The following ENTPD6 variants were observed in gnomAD, a reference collection of about 807,000 sequenced individuals.
The protein encoded by ENTPD6 is CD39 antigen-like 2.
In ENTPD6, 46 loss-of-function variants were observed where a neutral mutation model predicts 61.5. The observed-to-expected ratio is 0.75, with a 90% CI of 0.59 to 0.96. ENTPD6 has a LOEUF of 0.96. ENTPD6 is among the 40% of genes least tolerant of loss of function. The pLI, the probability that ENTPD6 is intolerant of heterozygous loss-of-function variation, is 0.00. For synonymous variants in ENTPD6, 252 were observed against 255.5 expected, an observed-to-expected ratio of 0.99 and a Z score of 0.13; for missense variants, 612 against 629.0, an observed-to-expected ratio of 0.97 and a Z score of 0.29.
intron 10 of ENTPD6, among the ~76,000 whole-genome samples, chr20:25,219,962 C>A (rs530876246): frequency 6.6e-6 from 1 of 152,254 alleles, no homozygotes; most frequent in Non-Finnish European, 1.5e-5. Context: ...CCAAAAAACA[C>A]CTATTATTTA....
chr20:25,218,123 G>T (rs565055666), intron 9 of ENTPD6, among the ~76,000 whole-genome samples: 3 of 151,808 alleles, frequency 2.0e-5, no homozygotes, highest in Non-Finnish European at 2.9e-5. Flanking sequence ...TACAGTATAC[G>T]CACATTCCTC....
At position 25,222,692 on chromosome 20, in the gene ENTPD6, C is replaced by T. The variant is rs796844220; in HGVS notation, c.1046-146C>T. 2.3e-5 allele frequency: 25 copies of T among 1,070,782 alleles called. No homozygotes were observed. The African/African-American group carries it at 3.7e-4, about 16-fold the overall frequency. 66.3% of individuals were successfully genotyped at this position (1,070,782 alleles called of 1,614,324 possible). A position where few individuals can be genotyped will look rare whatever the true frequency, so the allele number is the denominator to read the frequency against. On this transcript the variant is annotated intron_variant, in intron 11 of 14. Coordinates refer to ENST00000376652, the MANE Select transcript of ENTPD6 (RefSeq NM_001247.5). Reference sequence around the variant, plus strand: ...TGACCTGTGCGGGGAGCAGCCCCAACTTGGGGTGGGGTCTTACAGGCTTCT... The same window carrying T: ...TGACCTGTGCGGGGAGCAGCCCCAATTTGGGGTGGGGTCTTACAGGCTTCT...
intron 5 of ENTPD6, 93 bp downstream of exon 5, chr20:25,213,499 G>A: frequency 7.4e-7 from 1 of 1,350,596 alleles, no homozygotes; most frequent in Non-Finnish European, 1.0e-6. Flanking sequence ...CGCACCATCA[G>A]GCAGGACACA....
chr20:25,200,092 C>G (rs1364331310), intron 1 of ENTPD6, among the ~76,000 whole-genome samples: 1 of 152,228 alleles, frequency 6.6e-6, no homozygotes, highest in Non-Finnish European at 1.5e-5. Flanking sequence ...TTCCCACCAG[C>G]AGCGCACAAG....
intron 2 of ENTPD6, 118 bp from the exon 3 acceptor site, chr20:25,206,958 G>C (rs1568611351): frequency 2.3e-6 from 2 of 871,068 alleles, no homozygotes; most frequent in Non-Finnish European, 3.6e-6. Context: ...CTGATTCCTG[G>C]GGGGAACACG....
intron 10 of ENTPD6, among the ~76,000 whole-genome samples, chr20:25,219,333 G>C (rs559871980): frequency 7.2e-5 from 11 of 152,246 alleles, no homozygotes; most frequent in African/African-American, 2.7e-4. Flanking sequence ...CAGGAGGGCT[G>C]TGGGGGGTGC....
At chr20:25,216,123 T>C (rs1600626261) in intron 7 of ENTPD6, among the ~76,000 whole-genome samples, 1 of 152,214 alleles carries the variant, frequency 6.6e-6, no homozygotes, top group Non-Finnish European at 1.5e-5. Flanking sequence ...GAAACATCTG[T>C]TTTTAGAAAC....
At chr20:25,218,193 T>A (rs1400535721) in intron 9 of ENTPD6, among the ~76,000 whole-genome samples, 1 of 152,208 alleles carries the variant, frequency 6.6e-6, no homozygotes, top group Non-Finnish European at 1.5e-5. Context: ...GTTTGAGAAG[T>A]GGGAGGGACC....
Position 25,221,291 on chromosome 20 carries a change from G to C in ENTPD6, c.1003G>C (p.Glu335Gln), listed in dbSNP as rs527351259. ...GTCTCCCAGTTTCAAAGGAGAGTGG[G>C]AACACGCAGAAGTCACGTACAGGGT... ...CLSPSFKGEW[E>Q]HAEVTYRVSG... The change falls in exon 11 of 15, where the codon GAA (glutamate) becomes CAA (glutamine). Residue 335 changes from glutamate to glutamine, a missense_variant. By Grantham distance (29) the Glu-to-Gln change is conservative. Coordinates refer to ENST00000376652, the MANE Select transcript of ENTPD6 (RefSeq NM_001247.5). 1.2e-6 allele frequency: 2 copies of C among 1,614,190 alleles called. No homozygotes were observed. The highest frequency in any genetic ancestry group is 1.3e-5 in the African/African-American group (1 of 75,062).
chr20:25,220,290 GTGCAGC>G (rs1373467390), intron 10 of ENTPD6, among the ~76,000 whole-genome samples: 3 of 152,218 alleles, frequency 2.0e-5, no homozygotes, highest in Non-Finnish European at 2.9e-5. Context: ...CTGGGGATCT[GTGCAGC>G]TGCATGTGGC....
rs1225569056 is a variant in ENTPD6 at position 25,207,129 on chromosome 20, G to A, written c.108G>A (p.Gly36=). ...QTRMRKISNH[G]SLRVAKVAYP... ...GGATGAGAAAAATATCCAACCACGG[G>A]AGCCTGCGGGTGGCGAAGGTGGCAT... Residue 36 remains glycine (G), a synonymous_variant, in exon 3 of 15, where the codon GGG becomes GGA. Transcript: ENST00000376652. 6.2e-7 allele frequency: 1 copy of A among 1,613,820 alleles called. No individual in the cohort carries two copies. The highest frequency in any genetic ancestry group is 1.3e-5 in the African/African-American group (1 of 75,034).
chr20:25,215,849 A>C (rs2092282820), intron 7 of ENTPD6, 138 bp downstream of exon 7: 1 of 924,578 alleles, frequency 1.1e-6, no homozygotes, highest in Admixed American at 1.8e-5. Flanking sequence ...CTGACTGACC[A>C]TAGGGTGTTG....
At chr20:25,197,051 A>C in intron 1 of ENTPD6, 3 of 984,544 alleles carry the variant, frequency 3.0e-6, no homozygotes, top group Non-Finnish European at 3.6e-6. Flanking sequence ...AACCTACTGA[A>C]ACCCACCAGG....
chr20:25,210,113 G>T (rs760842140), intron 4 of ENTPD6, among the ~76,000 whole-genome samples, 188 bp downstream of exon 4: 2 of 152,152 alleles, frequency 1.3e-5, no homozygotes, highest in Non-Finnish European at 2.9e-5. Context: ...AGGAGAACGC[G>T]CCCCCACCCG....
intron 11 of ENTPD6, chr20:25,222,003 T>G (rs6050457): frequency 0.081 from 12,659 of 155,634 alleles, 1,617 homozygotes; most frequent in African/African-American, 0.28. Context: ...GGGGCGGGGA[T>G]CTGAGAGGGC....
chr20:25,202,445 A>G (rs141728071), intron 1 of ENTPD6, among the ~76,000 whole-genome samples: 59 of 152,266 alleles, frequency 3.9e-4, no homozygotes, highest in African/African-American at 9.6e-4. Flanking sequence ...TATATATTTT[A>G]TAGCTTTTTT....
At chr20:25,209,303 G>A (rs1275062299) in intron 3 of ENTPD6, among the ~76,000 whole-genome samples, 1 of 151,556 alleles carries the variant, frequency 6.6e-6, no homozygotes, top group Non-Finnish European at 1.5e-5. Flanking sequence ...GTAGAGATGG[G>A]GTTTCACCAT....
At chr20:25,209,131 A>T (rs1429803379) in intron 3 of ENTPD6, among the ~76,000 whole-genome samples, 2 of 141,504 alleles carry the variant, frequency 1.4e-5, no homozygotes, top group African/African-American at 2.7e-5. Context: ...TTTTTTTGAG[A>T]TGGAGTCTCG....
chr20:25,224,514 C>G (rs956955564), intron 13 of ENTPD6: 4 of 179,916 alleles, frequency 2.2e-5, no homozygotes, highest in Non-Finnish European at 4.6e-5. Context: ...CCCGGGGTCG[C>G]AGGTGACCAG....
Sources: allele counts gnomAD v4.1 joint callset (sites outside exome capture counted in the v4.1 genomes callset), GRCh38; gene constraint gnomAD v4.1.1; transcripts MANE v1.5; gene names NCBI Gene and HGNC (gene_info 2026-07-23, HGNC 2026-07-21).